Variants in HSD17B12 observed in about 807,000 individuals in gnomAD.
The protein encoded by HSD17B12 is hydroxysteroid 17-beta dehydrogenase 12.
Under a neutral mutation model 39.3 loss-of-function variants are expected in HSD17B12, and 32 were observed. That is an observed-to-expected ratio of 0.81 (90% CI 0.61 to 1.09). The LOEUF is 1.09. HSD17B12 is among the 50% of genes least tolerant of loss of function. HSD17B12 has a pLI of 0.00. For synonymous variants in HSD17B12, 150 were observed against 146.7 expected, an observed-to-expected ratio of 1.02 and a Z score of -0.16; for missense variants, 342 against 382.9, an observed-to-expected ratio of 0.89 and a Z score of 0.89.
At chr11:43,729,945 T>C (rs1283167004) in intron 1 of HSD17B12, among the ~76,000 whole-genome samples, 1 of 152,204 alleles carries the variant, frequency 6.6e-6, no homozygotes, top group Non-Finnish European at 1.5e-5. Flanking sequence ...TTCATGTTCT[T>C]TCTATTTTAA....
intron 6 of HSD17B12, among the ~76,000 whole-genome samples, chr11:43,826,228 G>A (rs913756692): frequency 3.3e-5 from 5 of 151,616 alleles, no homozygotes; most frequent in South Asian, 2.1e-4. Flanking sequence ...AACTACAGGC[G>A]CCCACCACCA....
chr11:43,800,055 C>T (rs1439878345), intron 4 of HSD17B12, among the ~76,000 whole-genome samples: 1 of 152,172 alleles, frequency 6.6e-6, no homozygotes, highest in Non-Finnish European at 1.5e-5. Context: ...TCACAGTTTC[C>T]TCTTCCTTAG....
At chr11:43,578,647 G>A in the HSD17B12 span, among the ~76,000 whole-genome samples, 1 of 152,016 alleles carries the variant, frequency 6.6e-6, no homozygotes, top group Non-Finnish European at 1.5e-5. Flanking sequence ...AGCCCTGCAA[G>A]TTGCGTGGTT....
the HSD17B12 span, among the ~76,000 whole-genome samples, chr11:43,571,211 T>C: frequency 8.5e-5 from 13 of 152,220 alleles, no homozygotes; most frequent in Non-Finnish European, 1.8e-4. Context: ...TGAATTCAGG[T>C]AGATAAACAA....
intron 10 of HSD17B12, 45 bp from the exon 11 acceptor site, chr11:43,855,099 A>G (rs774458071): frequency 6.1e-5 from 82 of 1,345,550 alleles, no homozygotes; most frequent in Non-Finnish European, 7.8e-5. Flanking sequence ...ATTTAGCCCA[A>G]ATTGTAGGCT....
rs542875561 is a variant in HSD17B12, at chr11:43,712,805, T to G, written c.160+31818T>G. On this transcript the variant is annotated intron_variant, in intron 1 of 10. Coordinates refer to ENST00000278353, the MANE Select transcript of HSD17B12 (RefSeq NM_016142.3). ...CACAACGTTTACAAAAGGTCTGTGT[T>G]ATAGTGAGAAAACTTTGCTAAACAA... is the stretch of plus-strand genomic sequence containing the variant. Among the ~76,000 whole-genome samples, 3 of 152,328 alleles carry G rather than the reference T, an allele frequency of 2.0e-5. No homozygotes were observed. In the South Asian group the frequency reaches 6.2e-4, roughly 32 times the overall value.
At chr11:43,850,553 T>C (rs1170995803) in intron 9 of HSD17B12, among the ~76,000 whole-genome samples, 1 of 152,204 alleles carries the variant, frequency 6.6e-6, no homozygotes, top group Non-Finnish European at 1.5e-5. Flanking sequence ...TTGAAAAGCA[T>C]GTTTAGTACA....
At chr11:43,650,326 A>C in the HSD17B12 span, among the ~76,000 whole-genome samples, 1 of 152,260 alleles carries the variant, frequency 6.6e-6, no homozygotes, top group Non-Finnish European at 1.5e-5. Context: ...AACAGGTGTT[A>C]TTTCAAAGAG....
chr11:43,790,382 A>G (rs1340652856), intron 3 of HSD17B12, among the ~76,000 whole-genome samples: 2 of 152,212 alleles, frequency 1.3e-5, no homozygotes, highest in African/African-American at 4.8e-5. Context: ...ACAGCAGCCT[A>G]TGCTATTAAG....
the HSD17B12 span, among the ~76,000 whole-genome samples, chr11:43,656,977 ATCTG>A: frequency 6.6e-6 from 1 of 152,140 alleles, no homozygotes; most frequent in Admixed American, 6.5e-5. Flanking sequence ...TGTCTCATTG[ATCTG>A]TCTAATGTTG....
chr11:43,841,255 A>C (rs1951423147), intron 9 of HSD17B12, among the ~76,000 whole-genome samples: 1 of 152,198 alleles, frequency 6.6e-6, no homozygotes. Context: ...ATTGGGTTGT[A>C]GGAATGATCT....
At chr11:43,564,749 A>G in the HSD17B12 span, among the ~76,000 whole-genome samples, 5 of 152,180 alleles carry the variant, frequency 3.3e-5, no homozygotes, top group African/African-American at 9.7e-5. Flanking sequence ...ACTATTTTAA[A>G]CCAATTGGAA....
rs1951581488 is a variant in HSD17B12, at chr11:43,856,147, G to A, written c.*899G>A. ...TAATTTTTAAGTTGATACTCTACAG[G>A]TAGCTATTGATATAATTAGTTTTAA... On this transcript the variant is annotated 3_prime_UTR_variant, in exon 11 of 11. Transcript: ENST00000278353. 1 of 152,126 alleles carries A rather than the reference G, an allele frequency of 6.6e-6. No homozygotes were observed. Among genetic ancestry groups the A allele is most frequent in the Non-Finnish European group, 1.5e-5 (1 of 68,028 alleles). 9.4% of individuals were successfully genotyped at this position (152,126 alleles called of 1,614,324 possible). A position where few individuals can be genotyped will look rare whatever the true frequency, so the allele number is the denominator to read the frequency against.
chr11:43,567,371 C>T, the HSD17B12 span, among the ~76,000 whole-genome samples: 1 of 152,126 alleles, frequency 6.6e-6, no homozygotes, highest in Non-Finnish European at 1.5e-5. Flanking sequence ...AGTTGAACCT[C>T]GGCATGGGAC....
the HSD17B12 span, among the ~76,000 whole-genome samples, chr11:43,634,349 G>A: frequency 3.4e-4 from 52 of 152,050 alleles, no homozygotes; most frequent in African/African-American, 1.0e-3. Context: ...ACCTCTCACC[G>A]CTGGAAAAGT....
chr11:43,787,081 A>G (rs1950822031), intron 3 of HSD17B12, among the ~76,000 whole-genome samples: 1 of 152,136 alleles, frequency 6.6e-6, no homozygotes, highest in Non-Finnish European at 1.5e-5. Context: ...AGCTGGGATT[A>G]CAGGCATGTA....
At chr11:43,780,492 C>T (rs1195757857) in intron 3 of HSD17B12, among the ~76,000 whole-genome samples, 1 of 152,050 alleles carries the variant, frequency 6.6e-6, no homozygotes, top group Non-Finnish European at 1.5e-5. Context: ...TCTTATCATA[C>T]ATATGTTACA....
chr11:43,710,755 C>T (rs1950057476), intron 1 of HSD17B12, among the ~76,000 whole-genome samples: 2 of 152,048 alleles, frequency 1.3e-5, no homozygotes, highest in Non-Finnish European at 2.9e-5. Flanking sequence ...ATTTTGCCCT[C>T]CCAAGAGAGC....
the HSD17B12 span, among the ~76,000 whole-genome samples, chr11:43,606,071 A>G: frequency 6.6e-6 from 1 of 152,370 alleles, no homozygotes; most frequent in African/African-American, 2.4e-5. Flanking sequence ...GGTCATTGAC[A>G]TCTGCCTCTG....
Sources: allele counts gnomAD v4.1 joint callset (sites outside exome capture counted in the v4.1 genomes callset), GRCh38; gene constraint gnomAD v4.1.1; transcripts MANE v1.5; gene names NCBI Gene and HGNC (gene_info 2026-07-23, HGNC 2026-07-21).